Variants in MCM7 observed in about 807,000 individuals in gnomAD.
The protein encoded by MCM7 is DNA replication licensing factor MCM7.
A neutral mutation model predicts 83.5 loss-of-function variants in MCM7; 95 were observed. The ratio of observed to expected loss-of-function variants is 1.14; its 90% confidence interval spans 0.96 to 1.35. MCM7 has a LOEUF of 1.35. MCM7 is among the 40% of genes most tolerant of loss of function. The pLI is 0.00. For synonymous variants in MCM7, 461 were observed against 352.7 expected, an observed-to-expected ratio of 1.31 and a Z score of -3.44; for missense variants, 1,087 against 957.4, an observed-to-expected ratio of 1.14 and a Z score of -1.79.
At chr7:100,100,584 C>G (rs981507182) in intron 1 of MCM7, 8 of 990,528 alleles carry the variant, frequency 8.1e-6, no homozygotes, top group Non-Finnish European at 9.6e-6. Flanking sequence ...CGGGATTCCT[C>G]CGCCCAGGGC....
Position 100,095,374 on chromosome 7 carries a change from C to T in MCM7, c.1679+13G>A. 1 of 1,610,032 alleles carries T rather than the reference C, an allele frequency of 6.2e-7. No individual in the cohort carries two copies. The highest frequency in any genetic ancestry group is 1.1e-5 in the South Asian group (1 of 90,118). On this transcript the variant is annotated intron_variant, in intron 12 of 14. Coordinates refer to ENST00000303887, the MANE Select transcript of MCM7 (RefSeq NM_005916.5). ...CACGCCAACGTTTGCCCACCCGCAC[C>T]CAGCTCTCCTACCTCATGAGCTTCA...
At position 100,099,697 on chromosome 7, in the gene MCM7, G is replaced by T. The variant is rs766294931; in HGVS notation, c.168C>A (p.Ala56=). Residue 56 remains alanine (A), a synonymous_variant, in exon 3 of 15, where the codon GCC becomes GCA. Coordinates refer to ENST00000303887, the MANE Select transcript of MCM7 (RefSeq NM_005916.5). The part of the protein sequence containing the change: ...VALYVDLDDV[A]EDDPELVDSI... The stretch of plus-strand genomic sequence containing the variant: ...AGTCCACCAACTCGGGGTCATCCTC[G>T]GCTACGTCGTCCAGGTCCACATACA... 1 of 1,613,998 alleles carries T rather than the reference G, an allele frequency of 6.2e-7. No individual in the cohort carries two copies. The highest frequency in any genetic ancestry group is 1.1e-5 in the South Asian group (1 of 91,088).
At position 100,100,020 on chromosome 7, in the gene MCM7, G is replaced by A. The variant is rs759438516; in HGVS notation, c.105C>T (p.Asn35=). 1.1e-5 allele frequency: 18 copies of A among 1,613,758 alleles called. No homozygotes were observed. The South Asian group carries it at 1.8e-4, about 16-fold the overall frequency. The part of the protein sequence containing the change: ...ELGKKQFKYG[N]QLVRLAHREQ... ...TACCCAATCTTAGACTTACCAACTG[G>A]TTCCCATACTTGAACTGCTTCTTCC... The change falls in exon 2 of 15, where the codon AAC becomes AAT. Residue 35 remains asparagine (N), a synonymous_variant. Coordinates refer to ENST00000303887, the MANE Select transcript of MCM7 (RefSeq NM_005916.5).
chr7:100,095,267 A>G, intron 12 of MCM7, 120 bp downstream of exon 12: 1 of 843,424 alleles, frequency 1.2e-6, no homozygotes, highest in South Asian at 1.4e-5. Context: ...GAGGCTCTGG[A>G]CATGTCTGTA....
Position 100,097,676 on chromosome 7 carries a change from T to G in MCM7, c.1055A>C (p.Lys352Thr), listed in dbSNP as rs1795712573. 4 of 1,614,204 alleles carry G rather than the reference T, an allele frequency of 2.5e-6. No homozygotes were observed. The highest frequency in any genetic ancestry group is 2.7e-5 in the African/African-American group (2 of 75,058). ...CCCGACTAGCAGGAGCAGCAGTGCC[T>G]TCTTCACATCTTCATGCCCGTATAT... ...PEIYGHEDVK[K>T]ALLLLLVGGV... Residue 352 changes from lysine to threonine, a missense_variant, in exon 9 of 15, where the codon AAG (lysine) becomes ACG (threonine). Lys to Thr is a moderately conservative substitution (Grantham distance 78, BLOSUM62 -1). Coordinates refer to ENST00000303887, the MANE Select transcript of MCM7 (RefSeq NM_005916.5).
In MCM7 at chr7:100,101,284, T is replaced by G. The variant is rs1300153110; in HGVS notation, c.11A>C (p.Lys4Thr). The G allele has an allele frequency of 6.2e-7, 1 of 1,613,186 alleles. No individual in the cohort carries two copies. The highest frequency in any genetic ancestry group is 1.3e-5 in the African/African-American group (1 of 74,940). MAL[K>T]DYALEKEKVK... ...CGTACCCTTCTCTAGCGCGTAGTCC[T>G]TCAGTGCCATCGCTGCCGAGGGCCG... The change falls in exon 1 of 15, where the codon AAG becomes ACG. Residue 4 changes from lysine to threonine, a missense_variant. Physicochemically the swap from Lys to Thr is moderately conservative, Grantham distance 78 (BLOSUM62 -1). Coordinates refer to ENST00000303887, the MANE Select transcript of MCM7 (RefSeq NM_005916.5).
intron 10 of MCM7, 30 bp downstream of exon 10, chr7:100,097,271 A>G (rs1354273129): frequency 1.3e-6 from 2 of 1,597,866 alleles, no homozygotes; most frequent in African/African-American, 1.3e-5. Context: ...CTGTCACTAT[A>G]TTCACCTCCC....
chr7:100,098,982 C>T (rs990693640), intron 5 of MCM7, 41 bp downstream of exon 5: 2 of 1,610,622 alleles, frequency 1.2e-6, no homozygotes, highest in Non-Finnish European at 1.7e-6. Context: ...TACAAAACAA[C>T]TAATGGGTAA....
chr7:100,096,223 CAA>C, intron 10 of MCM7, 56 bp from the exon 11 acceptor site: 1 of 1,497,200 alleles, frequency 6.7e-7, no homozygotes, highest in Non-Finnish European at 8.9e-7. Context: ...AGAGAACAAG[CAA>C]AAGACAACAA....
chr7:100,098,038 TTC>T (rs772740928), intron 7 of MCM7, 90 bp from the exon 8 acceptor site: 264 of 1,569,610 alleles, frequency 1.7e-4, no homozygotes, highest in Non-Finnish European at 2.2e-4. Flanking sequence ...AATCCCTGGG[TTC>T]TGTTTTGTTT....
At position 100,096,003 on chromosome 7, in the gene MCM7, T is replaced by C. The variant is rs1029502829; in HGVS notation, c.1366A>G (p.Thr456Ala). The change falls in exon 11 of 15, where the codon ACA (threonine) becomes GCA (alanine). Residue 456 changes from threonine (T) to alanine (A), a missense_variant. Thr to Ala is a moderately conservative substitution (Grantham distance 58). Coordinates refer to ENST00000303887, the MANE Select transcript of MCM7 (RefSeq NM_005916.5). ...EFDKMAEADR[T>A]AIHEVMEQQT... is the part of the protein sequence containing the mutation. ...TGCTCCATGACCTCGTGGATGGCTG[T>C]GCGGTCGGCCTCAGCCATCTTGTCG... 1.9e-6 allele frequency: 3 copies of C among 1,614,036 alleles called. No individual in the cohort carries two copies. Among genetic ancestry groups the C allele is most frequent in the Non-Finnish European group, 2.5e-6 (3 of 1,180,016 alleles).
rs139760215 is a variant in MCM7, at chr7:100,098,166, C to T, written c.845G>A (p.Arg282His). The change falls in exon 7 of 15, where the codon CGC (arginine) becomes CAC (histidine). Residue 282 changes from arginine to histidine, a missense_variant. Coordinates refer to ENST00000303887, the MANE Select transcript of MCM7 (RefSeq NM_005916.5). ...CTGTACCACCTGTCGGAACCCAGTG[C>T]GCAGGATTGGCAAGAAAATACCAGT... ...SVTGIFLPIL[R>H]TGFRQVVQGL... 29 of 1,614,062 alleles carry T rather than the reference C, an allele frequency of 1.8e-5. No individual in the cohort carries two copies. Among genetic ancestry groups the T allele is most frequent in the South Asian group, 1.8e-4 (16 of 91,072 alleles).
At position 100,101,326 on chromosome 7, in the gene MCM7, G is replaced by A. The variant is rs376356799; in HGVS notation, c.-32C>T. 14 of 1,612,636 alleles carry A rather than the reference G, an allele frequency of 8.7e-6. No homozygotes were observed. Among genetic ancestry groups the A allele is most frequent in the East Asian group, 4.5e-5 (2 of 44,892 alleles). On this transcript the variant is annotated 5_prime_UTR_variant, in exon 1 of 15. Transcript: ENST00000303887. ...CGAGGGCCGTGCGGCCGCGCTTGGC[G>A]GGCTCAGAGGTCTTGCTCCTGGGGA...
chr7:100,096,631 C>G (rs1795648454), intron 10 of MCM7, among the ~76,000 whole-genome samples: 1 of 151,904 alleles, frequency 6.6e-6, no homozygotes, highest in Non-Finnish European at 1.5e-5. Context: ...AAAAAGTGGC[C>G]AAGTGTGGTG....
rs571635029 is a variant in MCM7 at position 100,093,864 on chromosome 7, G to C, written c.1848+309C>G. The C allele has an allele frequency of 1.4e-5, 9 of 646,686 alleles. No homozygotes were observed. The African/African-American group carries it at 1.4e-4, about 10-fold the overall frequency. The allele number at this position is 646,686 out of a possible 1,614,324, so 40.1% of individuals were successfully genotyped here. A position where few individuals can be genotyped will look rare whatever the true frequency, so the allele number is the denominator to read the frequency against. On this transcript the variant is annotated intron_variant, in intron 13 of 14. Coordinates refer to ENST00000303887, the MANE Select transcript of MCM7 (RefSeq NM_005916.5). ...AGCCCCCAGGACTGAGGTCCAAGAC[G>C]GGAGGACAGAAAGGAAGGTCTGTAG...
chr7:100,097,560 T>A, intron 9 of MCM7, 54 bp downstream of exon 9: 1 of 1,611,454 alleles, frequency 6.2e-7, no homozygotes. Context: ...TGTCATCCTT[T>A]TTTCCTCCTA....
Position 100,099,756 on chromosome 7 carries a change from C to G in MCM7, c.112-3G>C, listed in dbSNP as rs764662045. The G allele has an allele frequency of 8.7e-6, 14 of 1,613,578 alleles. No homozygotes were observed. In the Admixed American group the frequency reaches 1.3e-4, roughly 15 times the overall value. ...TGTTCCCGATGAGCCAGCCGAACCT[C>G]AAGTGGGGAAGAGACAGAAACACCT... On this transcript the variant is annotated splice_polypyrimidine_tract_variant and splice_region_variant and intron_variant, in intron 2 of 14. Transcript: ENST00000303887.
At chr7:100,094,016 C>G (rs776731956) in intron 13 of MCM7, 157 bp downstream of exon 13, 1 of 953,018 alleles carries the variant, frequency 1.0e-6, no homozygotes, top group South Asian at 1.3e-5. Context: ...CAAGTACCCA[C>G]AGTGCGGTAG....
At chr7:100,095,688 G>T in intron 11 of MCM7, 86 bp downstream of exon 11, 1 of 1,483,990 alleles carries the variant, frequency 6.7e-7, no homozygotes, top group Non-Finnish European at 9.0e-7. Flanking sequence ...TTCCAGGAGC[G>T]TGGAATTTGT....
Sources: gnomAD v4.1 joint callset for allele counts (sites outside exome capture counted in the v4.1 genomes callset) on GRCh38, gnomAD v4.1.1 for gene constraint, MANE v1.5 for transcripts, NCBI Gene and HGNC (gene_info 2026-07-23, HGNC 2026-07-21) for gene names.